Variants in INPP4A observed in about 807,000 individuals in gnomAD.
The protein encoded by INPP4A is inositol polyphosphate-4-phosphatase, type I, 107kD.
A neutral mutation model predicts 119.8 loss-of-function variants in INPP4A; 33 were observed. The observed-to-expected ratio is 0.28, with a 90% CI of 0.21 to 0.37. INPP4A has a LOEUF of 0.37. Ranked by LOEUF, INPP4A falls within the 10% of genes least tolerant of loss-of-function variation. INPP4A has a pLI of 1.00. For missense variants in INPP4A, 956 were observed against 1,289.9 expected, an observed-to-expected ratio of 0.74 and a Z score of 3.97; for synonymous variants, 496 against 500.7, an observed-to-expected ratio of 0.99 and a Z score of 0.12.
Position 98,531,829 on chromosome 2 carries a change from C to T in INPP4A, c.152-1548C>T, listed in dbSNP as rs550247469. Among the ~76,000 whole-genome samples the T allele has an allele frequency of 2.6e-5, 4 of 152,276 alleles. No homozygotes were observed. In the South Asian group the frequency reaches 8.3e-4, roughly 32 times the overall value. The stretch of plus-strand genomic sequence containing the variant: ...AGTATAAACAGTGCTAAGAGATGTT[C>T]CTAAGTAGAAGGCTGATGATTCCAG... On this transcript the variant is annotated intron_variant, in intron 4 of 24. Coordinates refer to ENST00000409851, the MANE Select transcript of INPP4A (RefSeq NM_001134225.2).
intron 1 of INPP4A, among the ~76,000 whole-genome samples, chr2:98,475,251 C>A (rs933831013): frequency 2.0e-5 from 3 of 152,058 alleles, no homozygotes; most frequent in Non-Finnish European, 4.4e-5. Context: ...GCTTGGGAGA[C>A]AGAGGAGGGC....
At position 98,565,634 on chromosome 2, in the gene INPP4A, G is replaced by A. The variant is rs1202811623; in HGVS notation, c.2153-6G>A. On this transcript the variant is annotated splice_polypyrimidine_tract_variant and splice_region_variant and intron_variant, in intron 19 of 24. Coordinates refer to ENST00000409851, the MANE Select transcript of INPP4A (RefSeq NM_001134225.2). ...CCTGACAGCCCTGCCCCTCTCTCAT[G>A]TCCAGGGGAGGAGCTGGCAATGCTG... The A allele has an allele frequency of 3.1e-6, 5 of 1,604,822 alleles. No homozygotes were observed. Among genetic ancestry groups the A allele is most frequent in the East Asian group, 4.5e-5 (2 of 44,484 alleles).
Position 98,460,100 on chromosome 2 carries a change from C to CGTGT in INPP4A, c.-166+15044_-166+15047dup, listed in dbSNP as rs3066275. Among the ~76,000 whole-genome samples, 498 of 147,102 alleles carry CGTGT rather than the reference C, an allele frequency of 3.4e-3. 6 individuals carry two copies. Among genetic ancestry groups the CGTGT allele is most frequent in the South Asian group, 8.9e-3 (41 of 4,594 alleles). Reference sequence around the variant, plus strand: ...GTGCCACACCTTTGGGTTTGGTCATCGTGTGTGTGTGTGTGTGTGTGTGTG... The same window carrying CGTGT: ...GTGCCACACCTTTGGGTTTGGTCATCGTGTGTGTGTGTGTGTGTGTGTGTGTGTG... On this transcript the variant is annotated intron_variant, in intron 1 of 24. Transcript: ENST00000409851.
chr2:98,493,058 G>C (rs1412491195), intron 1 of INPP4A, among the ~76,000 whole-genome samples: 1 of 152,204 alleles, frequency 6.6e-6, no homozygotes, highest in Non-Finnish European at 1.5e-5. Context: ...GGTGGACGTG[G>C]TTGGCTGGTG....
At chr2:98,535,939 A>G (rs942606186) in intron 6 of INPP4A, 94 bp downstream of exon 6, 2 of 743,544 alleles carry the variant, frequency 2.7e-6, no homozygotes, top group Non-Finnish European at 4.7e-6. Flanking sequence ...TGACTTCACT[A>G]CTGGCTCACA....
intron 5 of INPP4A, among the ~76,000 whole-genome samples, chr2:98,534,719 C>G (rs1246640758): frequency 2.0e-5 from 3 of 152,150 alleles, no homozygotes; most frequent in Non-Finnish European, 4.4e-5. Flanking sequence ...TGGTAGTGAG[C>G]CAGTGTAGGC....
chr2:98,451,245 A>G (rs1695169363), intron 1 of INPP4A, among the ~76,000 whole-genome samples: 1 of 152,116 alleles, frequency 6.6e-6, no homozygotes, highest in Non-Finnish European at 1.5e-5. Flanking sequence ...CCACAGCCCT[A>G]ACCTGGAGCA....
At position 98,592,538 on chromosome 2, in the gene INPP4A, T is replaced by A. The variant is rs1363505240; in HGVS notation, c.*4930T>A. On this transcript the variant is annotated 3_prime_UTR_variant, in exon 25 of 25. Coordinates refer to ENST00000409851, the MANE Select transcript of INPP4A (RefSeq NM_001134225.2). ...AAGTAGGAAGTAATCAAATTTACAGTGGATAAAATCCAGTATTTGAAATCA... is the reference window on the plus strand; with the variant it reads ...AAGTAGGAAGTAATCAAATTTACAGAGGATAAAATCCAGTATTTGAAATCA... 1 of 152,122 alleles carries A rather than the reference T, an allele frequency of 6.6e-6. No homozygotes were observed. Among genetic ancestry groups the A allele is most frequent in the East Asian group, 1.9e-4 (1 of 5,192 alleles). The allele number at this position is 152,122 out of a possible 1,614,324, so 9.4% of individuals were successfully genotyped here. A position where few individuals can be genotyped will look rare whatever the true frequency, so the allele number is the denominator to read the frequency against.
chr2:98,457,371 G>A (rs550349697), intron 1 of INPP4A, among the ~76,000 whole-genome samples: 49 of 152,264 alleles, frequency 3.2e-4, no homozygotes, highest in African/African-American at 1.1e-3. Context: ...CAGCCTGGTC[G>A]GTATAGTGAG....
At chr2:98,449,298 ATTAG>A (rs1297545052) in intron 1 of INPP4A, among the ~76,000 whole-genome samples, 2 of 152,240 alleles carry the variant, frequency 1.3e-5, no homozygotes, top group Non-Finnish European at 2.9e-5. Flanking sequence ...TTCTATATTT[ATTAG>A]TTGGAACTGT....
At chr2:98,505,382 C>G (rs954820920) in intron 1 of INPP4A, among the ~76,000 whole-genome samples, 1 of 152,300 alleles carries the variant, frequency 6.6e-6, no homozygotes, top group South Asian at 2.1e-4. Flanking sequence ...CATGTGGGGC[C>G]TGACTTTTTA....
chr2:98,464,674 G>T (rs1340592283), intron 1 of INPP4A, among the ~76,000 whole-genome samples: 2 of 152,156 alleles, frequency 1.3e-5, no homozygotes, highest in Non-Finnish European at 2.9e-5. Context: ...CTGTGTTTCT[G>T]CAAGGTAAGA....
In INPP4A at chr2:98,539,454, G is replaced by A. The variant is rs945794967; in HGVS notation, c.671-74G>A. On this transcript the variant is annotated intron_variant, in intron 9 of 24. Transcript: ENST00000409851. ...TGAGGTGTCACCATCCCTGAGGGCC[G>A]GGGGAGGAGAACCCATGAGGCAGGT... 1.3e-5 allele frequency: 19 copies of A among 1,500,102 alleles called. No homozygotes were observed. The South Asian group carries it at 1.4e-4, about 11-fold the overall frequency. 92.9% of individuals were successfully genotyped at this position (1,500,102 alleles called of 1,614,324 possible).
chr2:98,581,965 T>A, intron 24 of INPP4A: 1 of 784,112 alleles, frequency 1.3e-6, no homozygotes, highest in Non-Finnish European at 1.9e-6. Context: ...TTAGCTCCTG[T>A]AGCATCTTCA....
intron 11 of INPP4A, among the ~76,000 whole-genome samples, 194 bp downstream of exon 11, chr2:98,544,201 A>T (rs2106071790): frequency 6.6e-6 from 1 of 152,350 alleles, no homozygotes; most frequent in East Asian, 1.9e-4. Context: ...ATTCTTTCAA[A>T]TATGGGTTTT....
Position 98,590,296 on chromosome 2 carries a change from C to T in INPP4A, c.*2688C>T, listed in dbSNP as rs753224281. On this transcript the variant is annotated 3_prime_UTR_variant, in exon 25 of 25. Transcript: ENST00000409851. The stretch of plus-strand genomic sequence containing the variant: ...TAAACATGGGACCATGGGAGACTTC[C>T]ATTTTATAAGCTTGTTTCTGCCTAA... 5.6e-5 allele frequency: 11 copies of T among 195,252 alleles called. No homozygotes were observed. The highest frequency in any genetic ancestry group is 7.4e-5 in the Non-Finnish European group (7 of 93,984). 12.1% of individuals were successfully genotyped at this position (195,252 alleles called of 1,614,324 possible).
At chr2:98,572,735 A>G in intron 22 of INPP4A, 80 bp from the exon 23 acceptor site, 1 of 876,796 alleles carries the variant, frequency 1.1e-6, no homozygotes, top group Non-Finnish European at 1.7e-6. Flanking sequence ...GTGCCCCAGC[A>G]GCTCACTTGG....
At chr2:98,565,019 A>G (rs1396872511) in intron 19 of INPP4A, among the ~76,000 whole-genome samples, 1 of 152,274 alleles carries the variant, frequency 6.6e-6, no homozygotes, top group Non-Finnish European at 1.5e-5. Flanking sequence ...CTGAAACACC[A>G]GTGCAGCAGT....
intron 16 of INPP4A, 147 bp downstream of exon 16, chr2:98,555,955 G>A: frequency 1.1e-6 from 1 of 924,610 alleles, no homozygotes; most frequent in South Asian, 1.8e-5. Context: ...CCAGTGCATG[G>A]AGCAGCAGGC....
Sources: allele counts gnomAD v4.1 joint callset (sites outside exome capture counted in the v4.1 genomes callset), GRCh38; gene constraint gnomAD v4.1.1; transcripts MANE v1.5; gene names NCBI Gene and HGNC (gene_info 2026-07-23, HGNC 2026-07-21).